The following FNIP2 variants were observed in gnomAD, a reference collection of about 807,000 sequenced individuals.
The protein encoded by FNIP2 is folliculin interacting protein 2, also known as folliculin-interacting protein 2.
Under a neutral mutation model 108.7 loss-of-function variants are expected in FNIP2, and 32 were observed. That is an observed-to-expected ratio of 0.29 (90% confidence interval 0.22 to 0.40). The LOEUF is 0.40. FNIP2 is among the 10% of genes least tolerant of loss of function. The pLI, the probability that FNIP2 is intolerant of heterozygous loss-of-function variation, is 1.00. For missense variants in FNIP2, 1,202 were observed against 1,381.6 expected, an observed-to-expected ratio of 0.87 and a Z score of 2.06; for synonymous variants, 480 against 496.7, an observed-to-expected ratio of 0.97 and a Z score of 0.45.
At chr4:158,845,362 C>T (rs139700505) in intron 7 of FNIP2, among the ~76,000 whole-genome samples, 413 of 152,246 alleles carry the variant, frequency 2.7e-3, no homozygotes, top group African/African-American at 9.5e-3. Flanking sequence ...GATGCTAGGC[C>T]GTATTCCAAA....
intron 14 of FNIP2, among the ~76,000 whole-genome samples, chr4:158,873,639 T>TAA (rs1488202266): frequency 1.3e-5 from 2 of 152,244 alleles, no homozygotes; most frequent in African/African-American, 4.8e-5. Flanking sequence ...AAAGATATAG[T>TAA]AACTACTTCA....
chr4:158,880,097 A>G (rs1041869888), intron 14 of FNIP2, among the ~76,000 whole-genome samples: 1 of 150,268 alleles, frequency 6.7e-6, no homozygotes, highest in Non-Finnish European at 1.5e-5. Flanking sequence ...TACTGGGCAT[A>G]TACCCAAAGG....
intron 6 of FNIP2, 86 bp downstream of exon 6, chr4:158,833,714 T>A: frequency 1.2e-6 from 1 of 863,552 alleles, no homozygotes; most frequent in Middle Eastern, 2.5e-4. Flanking sequence ...TTGTCGTGGG[T>A]TTTTTTTTTT....
At chr4:158,778,514 A>G (rs771801529) in intron 1 of FNIP2, among the ~76,000 whole-genome samples, 4 of 152,216 alleles carry the variant, frequency 2.6e-5, no homozygotes, top group Non-Finnish European at 5.9e-5. Context: ...GTCATCTCAC[A>G]TCATCTCAAG....
chr4:158,780,442 C>T (rs1172312751), intron 1 of FNIP2, among the ~76,000 whole-genome samples: 1 of 152,072 alleles, frequency 6.6e-6, no homozygotes, highest in Non-Finnish European at 1.5e-5. Context: ...TATTCTTTAC[C>T]ATTTGCTAGC....
At chr4:158,882,681 T>C (rs1275117564) in intron 14 of FNIP2, among the ~76,000 whole-genome samples, 2 of 152,244 alleles carry the variant, frequency 1.3e-5, no homozygotes, top group African/African-American at 4.8e-5. Flanking sequence ...GGGATGCTGT[T>C]GATCTATGAC....
Position 158,895,854 on chromosome 4 carries a change from T to C in FNIP2, c.3255T>C (p.Gly1085=), listed in dbSNP as rs1179984690. Reference sequence around the variant, plus strand: ...CACGAGTCCATGTGAAAGAATTAGGTGTCGTACTGGGGTGAGTTCTGTGAA... The same window carrying C: ...CACGAGTCCATGTGAAAGAATTAGGCGTCGTACTGGGGTGAGTTCTGTGAA... ...GHTRVHVKEL[G]VVLGIESNDL... is the part of the protein sequence containing the mutation. The change falls in exon 16 of 17, where the codon GGT becomes GGC. Residue 1085 remains glycine (G), a synonymous_variant. Transcript: ENST00000264433. 1.2e-6 allele frequency: 2 copies of C among 1,611,882 alleles called. No homozygotes were observed. The highest frequency in any genetic ancestry group is 1.7e-6 in the Non-Finnish European group (2 of 1,178,576).
At chr4:158,826,969 A>T (rs1778194324) in intron 2 of FNIP2, among the ~76,000 whole-genome samples, 1 of 152,238 alleles carries the variant, frequency 6.6e-6, no homozygotes, top group African/African-American at 2.4e-5. Flanking sequence ...TCTTTGTCTC[A>T]TCAGGGCCAA....
chr4:158,778,938 G>C (rs1032075856), intron 1 of FNIP2, among the ~76,000 whole-genome samples: 1 of 152,186 alleles, frequency 6.6e-6, no homozygotes, highest in Non-Finnish European at 1.5e-5. Context: ...CTGCCAAACC[G>C]CACTCCAGAG....
At chr4:158,842,687 A>C (rs528851603) in intron 7 of FNIP2, among the ~76,000 whole-genome samples, 1 of 152,152 alleles carries the variant, frequency 6.6e-6, no homozygotes, top group African/African-American at 2.4e-5. Flanking sequence ...ACCCCTTATA[A>C]ATTTTTAAAA....
chr4:158,895,359 G>A (rs1050440751), intron 15 of FNIP2, among the ~76,000 whole-genome samples: 6 of 152,032 alleles, frequency 3.9e-5, no homozygotes, highest in Admixed American at 3.9e-4. Flanking sequence ...TTTGCTATGT[G>A]GTTACGTGTA....
intron 14 of FNIP2, among the ~76,000 whole-genome samples, chr4:158,875,539 T>TATATATATATATATATGC (rs1474470268): frequency 1.4e-5 from 2 of 144,196 alleles, no homozygotes; most frequent in South Asian, 2.2e-4. Context: ...TATATATATA[T>TATATATATATATATATGC]ATGCTCATGA....
chr4:158,842,626 A>C (rs891944843), intron 7 of FNIP2, among the ~76,000 whole-genome samples: 1 of 152,204 alleles, frequency 6.6e-6, no homozygotes, highest in Admixed American at 6.5e-5. Context: ...ATAAATTAAA[A>C]TTTAAGGTGT....
At chr4:158,858,926 A>G (rs1204864420) in intron 8 of FNIP2, 131 bp from the exon 9 acceptor site, 2 of 705,306 alleles carry the variant, frequency 2.8e-6, no homozygotes, top group Non-Finnish European at 4.8e-6. Flanking sequence ...ATTATAGAAA[A>G]GAATGAACTA....
chr4:158,884,499 G>C (rs974380348), intron 14 of FNIP2, among the ~76,000 whole-genome samples: 1 of 152,190 alleles, frequency 6.6e-6, no homozygotes, highest in Non-Finnish European at 1.5e-5. Flanking sequence ...GTGCATGTGG[G>C]AAGGTTTCCA....
chr4:158,831,157 G>A (rs907289595), intron 3 of FNIP2, among the ~76,000 whole-genome samples: 4 of 152,184 alleles, frequency 2.6e-5, no homozygotes, highest in Admixed American at 2.0e-4. Flanking sequence ...ACTGGAAAGG[G>A]TCCATTGGAT....
intron 1 of FNIP2, among the ~76,000 whole-genome samples, chr4:158,813,031 A>G (rs1216852245): frequency 1.3e-5 from 2 of 152,050 alleles, no homozygotes; most frequent in Non-Finnish European, 2.9e-5. Context: ...AGAAATACAC[A>G]TTCAAGGTCC....
At chr4:158,845,856 C>T (rs966981820) in intron 7 of FNIP2, among the ~76,000 whole-genome samples, 29 of 152,126 alleles carry the variant, frequency 1.9e-4, no homozygotes, top group Admixed American at 2.6e-4. Flanking sequence ...GATGAGGAAA[C>T]GCTGGATAGC....
chr4:158,824,995 G>A (rs920153442), intron 1 of FNIP2, among the ~76,000 whole-genome samples: 4 of 152,270 alleles, frequency 2.6e-5, no homozygotes, highest in Admixed American at 6.5e-5. Flanking sequence ...TTCACAGTTT[G>A]TAGTGATACA....
Sources: allele counts gnomAD v4.1 joint callset (sites outside exome capture counted in the v4.1 genomes callset), GRCh38; gene constraint gnomAD v4.1.1; transcripts MANE v1.5; gene names NCBI Gene and HGNC (gene_info 2026-07-23, HGNC 2026-07-21).